The following WFDC6 variants were observed in gnomAD, a reference collection of about 807,000 sequenced individuals.
WFDC6 encodes the protein WAP four-disulfide core domain 6.
A neutral mutation model predicts 8.2 loss-of-function variants in WFDC6; 10 were observed. The ratio of observed to expected loss-of-function variants is 1.22; its 90% confidence interval spans 0.75 to 2.07. WFDC6 has a LOEUF of 2.07. Ranked by LOEUF, WFDC6 falls within the 30% of genes most tolerant of loss-of-function variation. The probability of loss-of-function intolerance (pLI) is 0.00; values close to 1 mark genes in which losing one functional copy is unlikely to be tolerated. For missense variants in WFDC6, 105 were observed against 104.9 expected, an observed-to-expected ratio of 1.00 and a Z score of 0.00; for synonymous variants, 28 against 37.0, an observed-to-expected ratio of 0.76 and a Z score of 0.88.
At chr20:45,537,350 TC>T (rs2145543233) in intron 2 of WFDC6, 1 of 656,644 alleles carries the variant, frequency 1.5e-6, no homozygotes, top group Non-Finnish European at 2.6e-6. Context: ...GAAAAACTTT[TC>T]TGACCTTCCT....
intron 2 of WFDC6, chr20:45,537,272 G>A (rs1979402019): frequency 1.9e-6 from 1 of 527,026 alleles, no homozygotes; most frequent in African/African-American, 1.9e-5. Flanking sequence ...TGGCCTGAAA[G>A]GCTATTTCTT....
At chr20:45,536,247 C>T (rs1351861350) in intron 2 of WFDC6, among the ~76,000 whole-genome samples, 6 of 75,526 alleles carry the variant, frequency 7.9e-5, no homozygotes, top group African/African-American at 3.0e-4. Context: ...CAGGAGTATT[C>T]ACAGAAAAAA....
chr20:45,537,992 C>T lies in WFDC6; in HGVS notation c.194G>A (p.Arg65His), dbSNP rs771646708. The T allele has an allele frequency of 5.8e-5, 93 of 1,613,872 alleles. No individual in the cohort carries two copies. In the Middle Eastern group the frequency reaches 6.6e-4, roughly 11 times the overall value. ...TCTGAAGTCTAAACATTTCTTTCCA[C>T]GGCTGAACGGGCAACACTTCATGTT... is the stretch of plus-strand genomic sequence containing the variant. ...PENMKCCPFS[R>H]GKKCLDFRKV... Residue 65 changes from arginine to histidine, a missense_variant, in exon 2 of 3, where the codon CGT becomes CAT. By Grantham distance (29) the Arg-to-His change is conservative. Coordinates refer to ENST00000372670, the MANE Select transcript of WFDC6 (RefSeq NM_080827.2).
chr20:45,537,679 G>C (rs942900799), intron 2 of WFDC6: 21 of 1,164,414 alleles, frequency 1.8e-5, no homozygotes, highest in Non-Finnish European at 2.6e-5. Flanking sequence ...CTGAAGAGTA[G>C]CCAAGAGACC....
intron 2 of WFDC6, chr20:45,537,377 G>A (rs1475177035): frequency 3.8e-6 from 3 of 783,668 alleles, no homozygotes; most frequent in Non-Finnish European, 6.4e-6. Context: ...CAATGAGCAA[G>A]TGGAACCCAT....
Position 45,538,060 on chromosome 20 carries a change from C to A in WFDC6, c.126G>T (p.Val42=). The A allele has an allele frequency of 6.2e-7, 1 of 1,613,950 alleles. No homozygotes were observed. Among genetic ancestry groups the A allele is most frequent in the Middle Eastern group, 1.7e-4 (1 of 6,060 alleles). ...GTTTGGTACACTGGTCTATTTCTTC[C>A]ACTTCGCATTCCACTTTGATTTTGG... ...PCPKIKVECE[V]EEIDQCTKPR... is the part of the protein sequence containing the mutation. The change falls in exon 2 of 3, where the codon GTG becomes GTT. Residue 42 remains valine (V), a synonymous_variant. Coordinates refer to ENST00000372670, the MANE Select transcript of WFDC6 (RefSeq NM_080827.2).
rs373745965 is a variant in WFDC6 at position 45,534,608 on chromosome 20, C to T, written c.223-103G>A. ...AAAGGAGGTGGGATCATTTTTACATCTTTGGGCAGGAATGGAATGAAGGTG... is the reference window on the plus strand; with the variant it reads ...AAAGGAGGTGGGATCATTTTTACATTTTTGGGCAGGAATGGAATGAAGGTG... On this transcript the variant is annotated intron_variant, in intron 2 of 2. Transcript: ENST00000372670. The T allele has an allele frequency of 5.0e-6, 7 of 1,393,574 alleles. No individual in the cohort carries two copies. The African/African-American group carries it at 7.1e-5, about 14-fold the overall frequency. The allele number at this position is 1,393,574 out of a possible 1,614,324, so 86.3% of individuals were successfully genotyped here. A position where few individuals can be genotyped will look rare whatever the true frequency, so the allele number is the denominator to read the frequency against.
intron 2 of WFDC6, chr20:45,535,252 C>A (rs1979320255): frequency 7.7e-7 from 1 of 1,304,120 alleles, no homozygotes; most frequent in East Asian, 5.5e-5. Flanking sequence ...CGGAGCAGAT[C>A]TTAGTTTTTT....
intron 1 of WFDC6, among the ~76,000 whole-genome samples, chr20:45,538,598 A>G (rs1390967859): frequency 6.6e-6 from 1 of 152,202 alleles, no homozygotes; most frequent in African/African-American, 2.4e-5. Context: ...GCCTGGGGCA[A>G]TGTAACGTAA....
chr20:45,534,589 G>A (rs906932232), intron 2 of WFDC6, 84 bp from the exon 3 acceptor site: 3 of 1,505,326 alleles, frequency 2.0e-6, no homozygotes, highest in Admixed American at 1.8e-5. Flanking sequence ...GGAAAAAGGA[G>A]GTGGGATCAT....
chr20:45,537,229 T>A, intron 2 of WFDC6: 1 of 397,580 alleles, frequency 2.5e-6, no homozygotes, highest in Non-Finnish European at 4.6e-6. Context: ...ACATCCTGCC[T>A]CCTGCCACAG....
Position 45,534,213 on chromosome 20 carries a change from C to T in WFDC6, c.*254G>A. On this transcript the variant is annotated 3_prime_UTR_variant, in exon 3 of 3. Coordinates refer to ENST00000372670, the MANE Select transcript of WFDC6 (RefSeq NM_080827.2). ...CGGAGAGATCGGACCCCACAGAGCA[C>T]TTTATTAAGGCAACTGAAGCCTTCA... 2 of 556,770 alleles carry T rather than the reference C, an allele frequency of 3.6e-6. No homozygotes were observed. The highest frequency in any genetic ancestry group is 6.4e-6 in the Non-Finnish European group (2 of 310,256). The allele number at this position is 556,770 out of a possible 1,614,324, so 34.5% of individuals were successfully genotyped here.
intron 1 of WFDC6, 114 bp from the exon 2 acceptor site, chr20:45,538,208 C>A: frequency 1.3e-6 from 2 of 1,555,866 alleles, no homozygotes; most frequent in South Asian, 1.2e-5. Context: ...TTCACCTATC[C>A]CCAGAAGGTA....
At chr20:45,535,787 G>A (rs943256546) in intron 2 of WFDC6, among the ~76,000 whole-genome samples, 2 of 152,180 alleles carry the variant, frequency 1.3e-5, no homozygotes, top group Non-Finnish European at 2.9e-5. Flanking sequence ...CAGAATGGCC[G>A]ATCTGCTGGG....
At chr20:45,538,183 G>A (rs2145544205) in intron 1 of WFDC6, 89 bp from the exon 2 acceptor site, 1 of 1,593,044 alleles carries the variant, frequency 6.3e-7, no homozygotes, top group East Asian at 2.2e-5. Flanking sequence ...CAGAGTTAGA[G>A]AACTTTGTTT....
intron 1 of WFDC6, among the ~76,000 whole-genome samples, chr20:45,538,421 T>C (rs1979456300): frequency 6.6e-6 from 1 of 152,186 alleles, no homozygotes; most frequent in African/African-American, 2.4e-5. Flanking sequence ...GTGCTGTGGC[T>C]CTCGATGATT....
At chr20:45,534,623 G>A (rs1979295820) in intron 2 of WFDC6, 118 bp from the exon 3 acceptor site, 1 of 1,240,028 alleles carries the variant, frequency 8.1e-7, no homozygotes, top group Non-Finnish European at 1.1e-6. Flanking sequence ...GGCAGGAATG[G>A]AATGAAGGTG....
At chr20:45,537,659 T>C in intron 2 of WFDC6, 1 of 1,259,540 alleles carries the variant, frequency 7.9e-7, no homozygotes, top group Non-Finnish European at 1.1e-6. Flanking sequence ...ACTTGGCATC[T>C]CGAGAATCAC....
Position 45,534,361 on chromosome 20 carries a change from G to T in WFDC6, c.*106C>A. ...GAAGAAAGTGTGTAAGCAATTCCTG[G>T]GGTTCAGTTTCTGGAACAGCCAAGG... On this transcript the variant is annotated 3_prime_UTR_variant, in exon 3 of 3. Coordinates refer to ENST00000372670, the MANE Select transcript of WFDC6 (RefSeq NM_080827.2). 12 of 1,304,808 alleles carry T rather than the reference G, an allele frequency of 9.2e-6. No individual in the cohort carries two copies. The highest frequency in any genetic ancestry group is 1.3e-5 in the Non-Finnish European group (12 of 899,308). 80.8% of individuals were successfully genotyped at this position (1,304,808 alleles called of 1,614,324 possible).
Sources: allele counts gnomAD v4.1 joint callset (sites outside exome capture counted in the v4.1 genomes callset), GRCh38; gene constraint gnomAD v4.1.1; transcripts MANE v1.5; gene names NCBI Gene and HGNC (gene_info 2026-07-23, HGNC 2026-07-21).